Variants in ATP8A1 observed in about 807,000 individuals in gnomAD.
ATP8A1 encodes ATPase phospholipid transporting 8A1, also known as phospholipid-transporting ATPase IA.
A neutral mutation model predicts 177.7 loss-of-function variants in ATP8A1; 90 were observed. The ratio of observed to expected loss-of-function variants is 0.51; its 90% CI spans 0.43 to 0.60. The LOEUF (loss-of-function observed/expected upper bound fraction) is 0.60, where lower values mean the gene tolerates loss of function less well. ATP8A1 is among the 20% of genes least tolerant of loss of function. The probability of loss-of-function intolerance (pLI) is 0.00; values close to 1 mark genes in which losing one functional copy is unlikely to be tolerated. For synonymous variants in ATP8A1, 493 were observed against 485.9 expected, an observed-to-expected ratio of 1.01 and a Z score of -0.19; for missense variants, 1,072 against 1,392.8, an observed-to-expected ratio of 0.77 and a Z score of 3.67.
chr4:42,652,655 T>G (rs1741213136), intron 1 of ATP8A1, among the ~76,000 whole-genome samples: 1 of 152,152 alleles, frequency 6.6e-6, no homozygotes, highest in African/African-American at 2.4e-5. Context: ...AGAGACCTGG[T>G]GGGAGGTAAC....
chr4:42,575,710 A>G lies in ATP8A1; in HGVS notation c.1129-11T>C. Reference sequence around the variant, plus strand: ...GTGCATGTCAAGATCCTTTAATAAAATTAAGTAAATCATTGAACACAACTG... The same window carrying G: ...GTGCATGTCAAGATCCTTTAATAAAGTTAAGTAAATCATTGAACACAACTG... On this transcript the variant is annotated splice_polypyrimidine_tract_variant and intron_variant, in intron 12 of 36. Coordinates refer to ENST00000381668, the MANE Select transcript of ATP8A1 (RefSeq NM_006095.2). 6.2e-7 allele frequency: 1 copy of G among 1,608,664 alleles called. No individual in the cohort carries two copies. The highest frequency in any genetic ancestry group is 8.5e-7 in the Non-Finnish European group (1 of 1,175,820).
At chr4:42,534,362 A>ATC in intron 20 of ATP8A1, among the ~76,000 whole-genome samples, 1 of 152,360 alleles carries the variant, frequency 6.6e-6, no homozygotes, top group Non-Finnish European at 1.5e-5. Context: ...GGCCACACTT[A>ATC]GAGAAATGGA....
intron 1 of ATP8A1, among the ~76,000 whole-genome samples, chr4:42,653,199 C>T (rs995306295): frequency 6.6e-6 from 1 of 152,198 alleles, no homozygotes; most frequent in Non-Finnish European, 1.5e-5. Flanking sequence ...TTATCTCCTT[C>T]ATGCCAACTT....
At chr4:42,431,058 C>T (rs978402697) in intron 33 of ATP8A1, among the ~76,000 whole-genome samples, 10 of 152,140 alleles carry the variant, frequency 6.6e-5, no homozygotes, top group African/African-American at 2.4e-4. Flanking sequence ...TTATAACCTC[C>T]CAAAGGCAGA....
At chr4:42,636,815 A>G (rs1403839156) in intron 1 of ATP8A1, among the ~76,000 whole-genome samples, 1 of 152,182 alleles carries the variant, frequency 6.6e-6, no homozygotes. Context: ...CTTAAAAGTC[A>G]GCACACAGTC....
chr4:42,475,253 C>T (rs1160367633), intron 25 of ATP8A1, among the ~76,000 whole-genome samples: 7 of 152,050 alleles, frequency 4.6e-5, no homozygotes, highest in Admixed American at 2.0e-4. Context: ...GTAGCCTTGA[C>T]CTCCTGGGCT....
At chr4:42,617,065 T>C (rs1476956081) in intron 4 of ATP8A1, among the ~76,000 whole-genome samples, 1 of 152,220 alleles carries the variant, frequency 6.6e-6, no homozygotes, top group Non-Finnish European at 1.5e-5. Context: ...GGAACAAATG[T>C]AAAACAAATG....
At chr4:42,431,495 TA>T (rs1305586627) in intron 33 of ATP8A1, among the ~76,000 whole-genome samples, 1 of 94,550 alleles carries the variant, frequency 1.1e-5, no homozygotes. Context: ...ACCATTCACA[TA>T]ACTGGTAAGG....
At chr4:42,609,573 A>C (rs1736167629) in intron 5 of ATP8A1, among the ~76,000 whole-genome samples, 1 of 152,180 alleles carries the variant, frequency 6.6e-6, no homozygotes. Context: ...CTCTCTAGTT[A>C]AGAAAAATGA....
chr4:42,446,555 G>A (rs374145762), intron 31 of ATP8A1, 28 bp downstream of exon 31: 21 of 1,602,822 alleles, frequency 1.3e-5, no homozygotes, highest in African/African-American at 1.1e-4. Flanking sequence ...GATTTTACAC[G>A]CAAACGAGAC....
intron 23 of ATP8A1, among the ~76,000 whole-genome samples, chr4:42,504,047 T>C (rs116201079): frequency 0.016 from 2,502 of 152,296 alleles, 17 homozygotes; most frequent in Middle Eastern, 0.037. Flanking sequence ...TGGCCTACTC[T>C]GTACCTGTTT....
intron 20 of ATP8A1, among the ~76,000 whole-genome samples, chr4:42,537,463 C>T (rs1727967121): frequency 1.3e-5 from 2 of 151,962 alleles, no homozygotes; most frequent in Non-Finnish European, 1.5e-5. Context: ...AACTGATAAA[C>T]AGGAAGTCAA....
chr4:42,438,833 G>A (rs1716292446), intron 33 of ATP8A1, among the ~76,000 whole-genome samples: 1 of 152,154 alleles, frequency 6.6e-6, no homozygotes, highest in Non-Finnish European at 1.5e-5. Flanking sequence ...TGGGTCACTG[G>A]CTATTTCTTT....
At chr4:42,534,093 T>C (rs1227452513) in intron 20 of ATP8A1, among the ~76,000 whole-genome samples, 3 of 152,100 alleles carry the variant, frequency 2.0e-5, no homozygotes, top group African/African-American at 4.8e-5. Flanking sequence ...AAAACAATTC[T>C]GGTAATATGA....
At position 42,579,105 on chromosome 4, in the gene ATP8A1, A is replaced by C. The variant is rs73810721; in HGVS notation, c.1000+708T>G. Among the ~76,000 whole-genome samples the C allele has an allele frequency of 5.9e-3, 891 of 152,140 alleles. 10 individuals are homozygous for C. Among genetic ancestry groups the C allele is most frequent in the African/African-American group, 0.021 (854 of 41,584 alleles). On this transcript the variant is annotated intron_variant, in intron 11 of 36. Transcript: ENST00000381668. ...TTGGAAGTTAAGTCTTTATTGGCTA[A>C]GTACTCATGAAATGAAAATGTAAAC...
chr4:42,522,263 G>A lies in ATP8A1; in HGVS notation c.1844C>T (p.Ser615Leu). 6.2e-7 allele frequency: 1 copy of A among 1,613,724 alleles called. No individual in the cohort carries two copies. Among genetic ancestry groups the A allele is most frequent in the Admixed American group, 1.7e-5 (1 of 59,982 alleles). The change falls in exon 22 of 37, where the codon TCA becomes TTA. Residue 615 changes from serine to leucine, a missense_variant. Physicochemically the swap from Ser to Leu is moderately radical, Grantham distance 145 (BLOSUM62 -2). Transcript: ENST00000381668. ...RTLCFAVAEI[S>L]ESDFQEWRAV... ...TCGCCACTCCTGAAAGTCGCTCTCT[G>A]AAATCTCAGCCACAGCAAAACATAA...
chr4:42,477,004 G>A (rs1017184781), intron 25 of ATP8A1, among the ~76,000 whole-genome samples: 3 of 152,068 alleles, frequency 2.0e-5, no homozygotes, highest in African/African-American at 7.3e-5. Flanking sequence ...ACATACACAA[G>A]CACACACACA....
intron 25 of ATP8A1, chr4:42,471,831 A>G: frequency 5.4e-6 from 3 of 557,678 alleles, no homozygotes; most frequent in South Asian, 4.7e-5. Flanking sequence ...AAGCACCAAG[A>G]CTGTGAAGCC....
intron 9 of ATP8A1, among the ~76,000 whole-genome samples, chr4:42,585,971 G>C (rs1733571528): frequency 6.6e-6 from 1 of 152,172 alleles, no homozygotes; most frequent in Non-Finnish European, 1.5e-5. Flanking sequence ...CAAGATCACA[G>C]GAAAGGACCC....
Sources: allele counts gnomAD v4.1 joint callset (sites outside exome capture counted in the v4.1 genomes callset), GRCh38; gene constraint gnomAD v4.1.1; transcripts MANE v1.5; gene names NCBI Gene and HGNC (gene_info 2026-07-23, HGNC 2026-07-21).